KCNJ16: variants seen among roughly 807,000 people sequenced by gnomAD.
KCNJ16 encodes potassium inwardly rectifying channel subfamily J member 16, also known as inward rectifier potassium channel 16.
A neutral mutation model predicts 18.5 loss-of-function variants in KCNJ16; 15 were observed. The observed-to-expected ratio is 0.81, with a 90% CI of 0.54 to 1.25. The LOEUF (loss-of-function observed/expected upper bound fraction) is 1.25, where lower values mean the gene tolerates loss of function less well. Among genes scored for constraint, KCNJ16 ranks in the 50% most tolerant of loss-of-function variants. The pLI is 0.00. For missense variants in KCNJ16, 523 were observed against 525.7 expected, an observed-to-expected ratio of 0.99 and a Z score of 0.05; for synonymous variants, 174 against 186.5, an observed-to-expected ratio of 0.93 and a Z score of 0.55.
Position 70,134,075 on chromosome 17 carries a change from C to T in KCNJ16, c.*731C>T, listed in dbSNP as rs1567812496. ...CCTGGGAGACTCCAACAAATGGAGA[C>T]CAGAAACAAGGCAACCACGACCTTG... On this transcript the variant is annotated 3_prime_UTR_variant, in exon 4 of 4. Coordinates refer to ENST00000392671, the MANE Select transcript of KCNJ16 (RefSeq NM_170741.4). The T allele has an allele frequency of 6.0e-6, 1 of 167,016 alleles. No homozygotes were observed. The allele number at this position is 167,016 out of a possible 1,614,324, so 10.3% of individuals were successfully genotyped here.
intron 2 of KCNJ16, among the ~76,000 whole-genome samples, chr17:70,118,859 A>G (rs2073521396): frequency 6.6e-6 from 1 of 152,140 alleles, no homozygotes; most frequent in Admixed American, 6.5e-5. Flanking sequence ...ATTGCAAAAT[A>G]CAATCATTCC....
intron 2 of KCNJ16, among the ~76,000 whole-genome samples, chr17:70,110,889 AT>A (rs1249387573): frequency 3.3e-5 from 5 of 152,050 alleles, no homozygotes; most frequent in Non-Finnish European, 7.4e-5. Context: ...GATGTTTTAG[AT>A]TCTTAATGGT....
At chr17:70,081,803 GCT>G (rs1212321707) in intron 1 of KCNJ16, among the ~76,000 whole-genome samples, 4 of 106,760 alleles carry the variant, frequency 3.7e-5, no homozygotes, top group South Asian at 2.7e-4. Flanking sequence ...GAGTCACCAT[GCT>G]CTGTGTGTGT....
At chr17:70,111,145 G>C (rs773633199) in intron 2 of KCNJ16, among the ~76,000 whole-genome samples, 3 of 152,248 alleles carry the variant, frequency 2.0e-5, no homozygotes, top group Admixed American at 2.0e-4. Context: ...ACATCTGAGG[G>C]TATGAGTGTG....
intron 2 of KCNJ16, among the ~76,000 whole-genome samples, chr17:70,115,198 CAAG>C (rs2073354684): frequency 6.6e-6 from 1 of 152,056 alleles, no homozygotes; most frequent in African/African-American, 2.4e-5. Flanking sequence ...GGGTGAAACT[CAAG>C]AATCTACAAG....
chr17:70,123,044 G>A (rs770339538), intron 2 of KCNJ16, among the ~76,000 whole-genome samples: 2 of 152,108 alleles, frequency 1.3e-5, no homozygotes, highest in Non-Finnish European at 2.9e-5. Flanking sequence ...TTTTCCAATG[G>A]ACAGCCGGCA....
intron 1 of KCNJ16, among the ~76,000 whole-genome samples, chr17:70,077,925 C>A (rs752407727): frequency 1.8e-4 from 27 of 152,004 alleles, no homozygotes; most frequent in Non-Finnish European, 3.4e-4. Context: ...CTTTCCTATA[C>A]AAAGACAGTT....
rs774507847 is a variant in KCNJ16 at position 70,132,353 on chromosome 17, GCT to G, written c.269_270del (p.Ser90CysfsTer15). Reference sequence around the variant, plus strand: ...TATATTCTCTCGTGGTTGATATTTGGCTCTGTCTTTTGGCTCATAGCCTTTCA... The same window carrying G: ...TATATTCTCTCGTGGTTGATATTTGGCTGTCTTTTGGCTCATAGCCTTTCA... On this transcript the variant is annotated frameshift_variant, in exon 4 of 4. Coordinates refer to ENST00000392671, the MANE Select transcript of KCNJ16 (RefSeq NM_170741.4). LOFTEE classifies it high-confidence loss of function. 83 of 1,613,958 alleles carry G rather than the reference GCT, an allele frequency of 5.1e-5. No homozygotes were observed. Among genetic ancestry groups the G allele is most frequent in the South Asian group, 3.8e-4 (35 of 91,086 alleles).
At chr17:70,107,370 T>A (rs1436565413) in intron 2 of KCNJ16, among the ~76,000 whole-genome samples, 1 of 152,172 alleles carries the variant, frequency 6.6e-6, no homozygotes, top group Non-Finnish European at 1.5e-5. Flanking sequence ...ACCTTCAAGA[T>A]GCAACACACC....
chr17:70,088,632 A>G (rs1050588644), intron 1 of KCNJ16, among the ~76,000 whole-genome samples: 1 of 152,172 alleles, frequency 6.6e-6, no homozygotes, highest in African/African-American at 2.4e-5. Flanking sequence ...TTTGTCCTCT[A>G]TGGAAAGAAA....
chr17:70,108,807 C>T (rs573738422), intron 2 of KCNJ16, among the ~76,000 whole-genome samples: 42 of 152,260 alleles, frequency 2.8e-4, no homozygotes, highest in South Asian at 1.9e-3. Flanking sequence ...CTCCCTTTCT[C>T]CTTGCCCGTT....
At chr17:70,114,881 G>A (rs1353063722) in intron 2 of KCNJ16, among the ~76,000 whole-genome samples, 1 of 152,130 alleles carries the variant, frequency 6.6e-6, no homozygotes, top group African/African-American at 2.4e-5. Context: ...GTTTGGCTAA[G>A]ACTGTAGTCA....
intron 2 of KCNJ16, among the ~76,000 whole-genome samples, chr17:70,119,439 T>A (rs1460687871): frequency 6.6e-6 from 1 of 152,146 alleles, no homozygotes; most frequent in Non-Finnish European, 1.5e-5. Context: ...CTGTGGAGGC[T>A]CCACCCCTGC....
intron 3 of KCNJ16, chr17:70,131,625 AAT>A: frequency 2.8e-6 from 1 of 351,088 alleles, no homozygotes; most frequent in Non-Finnish European, 4.2e-6. Flanking sequence ...ATCTGAATTG[AAT>A]TTTGCCTTTT....
In KCNJ16 at chr17:70,076,432, A is replaced by C. The variant is rs188945247; in HGVS notation, c.-300+1042A>C. ...GCCAAAAAGAATTTAAAAGTGAACA[A>C]GGTCCAGAGTTCAATTCAAATCAAA... On this transcript the variant is annotated intron_variant, in intron 1 of 3. Transcript: ENST00000392671. Among the ~76,000 whole-genome samples, 6 of 64,558 alleles carry C rather than the reference A, an allele frequency of 9.3e-5. No individual in the cohort carries two copies. In the East Asian group the frequency reaches 4.5e-3, roughly 49 times the overall value. The allele number at this position is 64,558 out of a possible 152,430, so 42.4% of individuals were successfully genotyped here. A position where few individuals can be genotyped will look rare whatever the true frequency, so the allele number is the denominator to read the frequency against.
At chr17:70,079,175 A>C (rs1441402473) in intron 1 of KCNJ16, among the ~76,000 whole-genome samples, 1 of 152,168 alleles carries the variant, frequency 6.6e-6, no homozygotes, top group African/African-American at 2.4e-5. Context: ...TAGAAATTCT[A>C]GTAAGAGTTG....
intron 2 of KCNJ16, among the ~76,000 whole-genome samples, chr17:70,118,153 A>G (rs2073484814): frequency 6.6e-6 from 1 of 152,150 alleles, no homozygotes; most frequent in Non-Finnish European, 1.5e-5. Flanking sequence ...ATTGCTATAA[A>G]TATCTGAGAC....
intron 1 of KCNJ16, among the ~76,000 whole-genome samples, chr17:70,080,938 G>A (rs1411718017): frequency 1.3e-5 from 2 of 152,180 alleles, no homozygotes; most frequent in African/African-American, 4.8e-5. Flanking sequence ...TGCTAAACTA[G>A]GGCTTAATAG....
intron 2 of KCNJ16, among the ~76,000 whole-genome samples, chr17:70,121,488 C>T (rs911621115): frequency 2.6e-5 from 4 of 152,052 alleles, no homozygotes; most frequent in Admixed American, 6.6e-5. Flanking sequence ...TATCACAGAA[C>T]GGTGAGAAGA....
Sources: allele counts gnomAD v4.1 joint callset (sites outside exome capture counted in the v4.1 genomes callset), GRCh38; gene constraint gnomAD v4.1.1; transcripts MANE v1.5; gene names NCBI Gene and HGNC (gene_info 2026-07-23, HGNC 2026-07-21).